COL21A1: variants seen among roughly 807,000 people sequenced by gnomAD.
COL21A1 encodes the protein collagen type XXI alpha 1 chain.
A neutral mutation model predicts 137.9 loss-of-function variants in COL21A1; 149 were observed. That is an observed-to-expected ratio of 1.08 (90% CI 0.95 to 1.24). The LOEUF (loss-of-function observed/expected upper bound fraction) is 1.24. Among genes scored for constraint, COL21A1 ranks in the 50% most tolerant of loss-of-function variants. COL21A1 has a pLI of 0.00. For synonymous variants in COL21A1, 456 were observed against 391.5 expected, an observed-to-expected ratio of 1.16 and a Z score of -1.95; for missense variants, 1,167 against 1,158.4, an observed-to-expected ratio of 1.01 and a Z score of -0.11.
chr6:56,132,842 C>G (rs984774615), intron 12 of COL21A1, among the ~76,000 whole-genome samples: 1 of 152,086 alleles, frequency 6.6e-6, no homozygotes, highest in African/African-American at 2.4e-5. Context: ...ATGCGAGTTT[C>G]CCTCCACAAG....
chr6:56,089,241 T>C (rs1355552585), intron 17 of COL21A1, among the ~76,000 whole-genome samples: 7 of 152,208 alleles, frequency 4.6e-5, no homozygotes, highest in African/African-American at 1.4e-4. Context: ...ATTACAGTAA[T>C]ACAATATGCA....
rs566358408 is a variant in COL21A1 at position 56,307,745 on chromosome 6, G to T, written c.-39+86226C>A. Among the ~76,000 whole-genome samples, 35 of 152,186 alleles carry T rather than the reference G, an allele frequency of 2.3e-4. 1 individual carries two copies. The highest frequency in any genetic ancestry group is 8.2e-4 in the African/African-American group (34 of 41,524). On this transcript the variant is annotated intron_variant, in intron 1 of 28. Coordinates refer to the COL21A1 transcript ENST00000370819. ...ACCCACGGTCCTGCACCCGCTTTCC[G>T]ACACTCCCCAGTGAGATGAACCCGG...
At chr6:56,329,990 T>A (rs902584897) in intron 1 of COL21A1, among the ~76,000 whole-genome samples, 1 of 152,104 alleles carries the variant, frequency 6.6e-6, no homozygotes, top group Non-Finnish European at 1.5e-5. Context: ...ACTAATTTCA[T>A]AAAAACTAAA....
chr6:56,113,004 G>C (rs1482156454), intron 16 of COL21A1, among the ~76,000 whole-genome samples: 1 of 152,122 alleles, frequency 6.6e-6, no homozygotes, highest in African/African-American at 2.4e-5. Context: ...ATTTAAACCA[G>C]CCCCAGCCAA....
intron 1 of COL21A1, among the ~76,000 whole-genome samples, chr6:56,208,668 C>T (rs116825866): frequency 0.068 from 10,347 of 151,992 alleles, 413 homozygotes; most frequent in South Asian, 0.12. Context: ...AATTAGAAAA[C>T]ACTATGTTAA....
chr6:56,356,216 A>G (rs1765824014), intron 1 of COL21A1, among the ~76,000 whole-genome samples: 1 of 152,216 alleles, frequency 6.6e-6, no homozygotes, highest in African/African-American at 2.4e-5. Flanking sequence ...AGAGGCACCC[A>G]AAAGGCTTTC....
At chr6:56,157,978 T>G (rs1054211493) in intron 9 of COL21A1, among the ~76,000 whole-genome samples, 2 of 152,220 alleles carry the variant, frequency 1.3e-5, no homozygotes, top group Non-Finnish European at 2.9e-5. Context: ...TCACACTCTA[T>G]GGAACTCTTG....
At chr6:56,270,248 A>C (rs1562033390) in intron 1 of COL21A1, among the ~76,000 whole-genome samples, 1 of 152,224 alleles carries the variant, frequency 6.6e-6, no homozygotes, top group Non-Finnish European at 1.5e-5. Flanking sequence ...GGAAAACAAA[A>C]ACGGAGCAGA....
At chr6:56,373,815 G>C (rs2093994336) in intron 1 of COL21A1, among the ~76,000 whole-genome samples, 1 of 152,096 alleles carries the variant, frequency 6.6e-6, no homozygotes, top group Non-Finnish European at 1.5e-5. Flanking sequence ...TAACCAGTGA[G>C]GGTATTTTAA....
chr6:56,199,131 T>C (rs1467910531), intron 1 of COL21A1, among the ~76,000 whole-genome samples: 4 of 152,006 alleles, frequency 2.6e-5, no homozygotes, highest in African/African-American at 9.7e-5. Context: ...CAGAACTGCT[T>C]AAAGCCTGCT....
At chr6:56,091,818 A>G (rs964585498) in intron 17 of COL21A1, among the ~76,000 whole-genome samples, 10 of 152,218 alleles carry the variant, frequency 6.6e-5, no homozygotes, top group Non-Finnish European at 2.9e-5. Context: ...ACTCGTCAAC[A>G]TGATAACTTG....
At chr6:56,158,161 T>G (rs890695286) in intron 9 of COL21A1, among the ~76,000 whole-genome samples, 2 of 151,906 alleles carry the variant, frequency 1.3e-5, no homozygotes, top group African/African-American at 4.8e-5. Context: ...TGGAGCATCC[T>G]GCTGAAAAAT....
chr6:56,325,131 T>G (rs1435889450), intron 1 of COL21A1, among the ~76,000 whole-genome samples: 1 of 148,318 alleles, frequency 6.7e-6, no homozygotes, highest in Non-Finnish European at 1.5e-5. Flanking sequence ...TTATTCTACA[T>G]GAAGCCTCCT....
chr6:56,392,297 C>T (rs550413484), intron 1 of COL21A1, among the ~76,000 whole-genome samples: 1 of 151,996 alleles, frequency 6.6e-6, no homozygotes, highest in South Asian at 2.1e-4. Context: ...ATTTAACATC[C>T]CTTCATGATA....
At chr6:56,339,288 A>C (rs986976547) in intron 1 of COL21A1, among the ~76,000 whole-genome samples, 1 of 152,184 alleles carries the variant, frequency 6.6e-6, no homozygotes, top group Non-Finnish European at 1.5e-5. Flanking sequence ...AAAATTAGTA[A>C]AGGTTTATTA....
intron 1 of COL21A1, among the ~76,000 whole-genome samples, chr6:56,319,616 GCATGAGC>G (rs1181866997): frequency 1.3e-5 from 2 of 152,136 alleles, no homozygotes; most frequent in African/African-American, 4.8e-5. Context: ...GGCATTATAG[GCATGAGC>G]CACTGGGCCC....
intron 1 of COL21A1, among the ~76,000 whole-genome samples, chr6:56,349,494 G>A (rs9296842): frequency 0.36 from 54,268 of 152,030 alleles, 10,494 homozygotes; most frequent in East Asian, 0.72. Context: ...AAAAAATGAA[G>A]GATGTTAAGA....
At chr6:56,347,525 A>T (rs1562066635) in intron 1 of COL21A1, among the ~76,000 whole-genome samples, 1 of 151,150 alleles carries the variant, frequency 6.6e-6, no homozygotes, top group Non-Finnish European at 1.5e-5. Flanking sequence ...TTTAAAAAAA[A>T]AAAAAAAAAA....
At chr6:56,376,331 G>T (rs2093999203) in intron 1 of COL21A1, among the ~76,000 whole-genome samples, 1 of 152,202 alleles carries the variant, frequency 6.6e-6, no homozygotes, top group African/African-American at 2.4e-5. Flanking sequence ...CCACAGTGAA[G>T]AGAAAACGGA....
Sources: allele counts gnomAD v4.1 joint callset (sites outside exome capture counted in the v4.1 genomes callset), GRCh38; gene constraint gnomAD v4.1.1; transcripts MANE v1.5; gene names NCBI Gene and HGNC (gene_info 2026-07-23, HGNC 2026-07-21).